CUX1: variants seen among roughly 807,000 people sequenced by gnomAD.
The protein encoded by CUX1 is protein CASP.
CUX1 carries 31 observed loss-of-function variants against 158.8 expected under a neutral mutation model. The ratio of observed to expected loss-of-function variants is 0.20; its 90% CI spans 0.15 to 0.26. The LOEUF (loss-of-function observed/expected upper bound fraction) is 0.26, where lower values mean the gene tolerates loss of function less well. Among genes scored for constraint, CUX1 ranks in the 10% least tolerant of loss-of-function variants. The probability of loss-of-function intolerance (pLI) is 1.00; values close to 1 mark genes in which losing one functional copy is unlikely to be tolerated. For synonymous variants in CUX1, 879 were observed against 862.1 expected (o/e 1.02, Z -0.34); for missense variants, 1,589 against 2,014.6 (o/e 0.79, Z 4.04).
intron 20 of CUX1, among the ~76,000 whole-genome samples, chr7:102,208,443 G>C (rs537852190): frequency 6.6e-6 from 1 of 152,352 alleles, no homozygotes; most frequent in East Asian, 1.9e-4. Flanking sequence ...GTTTCGCCCT[G>C]TTGGCCAGGT....
At chr7:102,280,182 C>T (rs936782606) in intron 19 of CUX1, 8 of 1,113,034 alleles carry the variant, frequency 7.2e-6, no homozygotes, top group Admixed American at 3.7e-5. Context: ...GCCCAGGGGT[C>T]CCCCCATCAC....
chr7:101,968,570 G>A (rs1317228937), intron 2 of CUX1, among the ~76,000 whole-genome samples: 2 of 151,988 alleles, frequency 1.3e-5, no homozygotes, highest in Non-Finnish European at 2.9e-5. Flanking sequence ...TTACAGGCGC[G>A]TACCACCGTG....
In CUX1 at chr7:101,880,958, A is replaced by G. The variant is rs116810181; in HGVS notation, c.31-35157A>G. ...AGAGCAGCTGCTCATCCCATGTCCA[A>G]TTAGAGTGAGCAGATGTGTAAGAAA... On this transcript the variant is annotated intron_variant, in intron 1 of 23. Coordinates refer to ENST00000292535, the MANE Select transcript of CUX1 (RefSeq NM_181552.4). Among the ~76,000 whole-genome samples the G allele has an allele frequency of 6.0e-3, 908 of 152,312 alleles. 7 individuals carry two copies. The highest frequency in any genetic ancestry group is 0.02 in the African/African-American group (851 of 41,578).
At chr7:102,245,981 A>T (rs1179876118) in intron 23 of CUX1, among the ~76,000 whole-genome samples, 1 of 152,122 alleles carries the variant, frequency 6.6e-6, no homozygotes, top group Non-Finnish European at 1.5e-5. Context: ...TCAAAAAAAA[A>T]AAAAAATGAA....
intron 1 of CUX1, among the ~76,000 whole-genome samples, chr7:101,903,433 G>A (rs1431182255): frequency 3.3e-5 from 5 of 152,182 alleles, no homozygotes; most frequent in Non-Finnish European, 5.9e-5. Flanking sequence ...GGAGCACTGC[G>A]TGTGCCTACA....
Position 102,255,146 on chromosome 7 carries a change from A to G in CUX1, c.*6104A>G. The G allele has an allele frequency of 1.0e-6, 1 of 985,448 alleles. No homozygotes were observed. The highest frequency in any genetic ancestry group is 1.2e-6 in the Non-Finnish European group (1 of 829,966). The allele number at this position is 985,448 out of a possible 1,614,324, so 61.0% of individuals were successfully genotyped here. A position where few individuals can be genotyped will look rare whatever the true frequency, so the allele number is the denominator to read the frequency against. ...GCTCCTCACCACCCTGGTCAGGGGA[A>G]TAGAAGGAAATGCAATTTCCGCCTG... On this transcript the variant is annotated 3_prime_UTR_variant, in exon 24 of 24. Coordinates refer to ENST00000292535, the MANE Select transcript of CUX1 (RefSeq NM_181552.4).
intron 2 of CUX1, among the ~76,000 whole-genome samples, chr7:101,969,359 C>CAAAAAAAAAAAAAAAAAAAAAAAACAG (rs10711703): frequency 5.0e-4 from 28 of 56,100 alleles, no homozygotes; most frequent in African/African-American, 6.7e-4. Flanking sequence ...CAAAAAACAG[C>CAAAAAAAAAAAAAAAAAAAAAAAACAG]AAAAAAAAAA....
rs200860447 is a variant in CUX1 at position 102,115,298 on chromosome 7, T to G, written c.674+25T>G. On this transcript the variant is annotated intron_variant, in intron 8 of 23. Coordinates refer to ENST00000292535, the MANE Select transcript of CUX1 (RefSeq NM_181552.4). ...AGTAAGTCTCTCTGCTTGGCCTCCCTTATCCGTACACATTTCTCACCTGAT... is the reference window on the plus strand; with the variant it reads ...AGTAAGTCTCTCTGCTTGGCCTCCCGTATCCGTACACATTTCTCACCTGAT... The G allele has an allele frequency of 1.9e-4, 306 of 1,600,858 alleles. 2 individuals carry two copies. The highest frequency in any genetic ancestry group is 1.2e-3 in the Middle Eastern group (7 of 6,036).
intron 6 of CUX1, among the ~76,000 whole-genome samples, chr7:102,108,895 C>G (rs534156024): frequency 7.2e-5 from 11 of 152,168 alleles, no homozygotes; most frequent in African/African-American, 2.6e-4. Flanking sequence ...GCTGGGGTTA[C>G]AGGTGCCCAA....
At chr7:102,134,479 C>T (rs1833675150) in intron 8 of CUX1, among the ~76,000 whole-genome samples, 1 of 152,216 alleles carries the variant, frequency 6.6e-6, no homozygotes, top group Admixed American at 6.5e-5. Context: ...TGCCTGTATT[C>T]TTGACAAGAC....
intron 2 of CUX1, among the ~76,000 whole-genome samples, chr7:101,975,231 AC>A (rs1812503948): frequency 1.3e-5 from 2 of 151,270 alleles, no homozygotes; most frequent in Admixed American, 1.3e-4. Flanking sequence ...AGCCTGGGCA[AC>A]AGAGCAAGAC....
At chr7:102,119,664 T>G (rs1302026218) in intron 8 of CUX1, among the ~76,000 whole-genome samples, 1 of 152,232 alleles carries the variant, frequency 6.6e-6, no homozygotes, top group Non-Finnish European at 1.5e-5. Flanking sequence ...GGTTTCCGAT[T>G]ATAACCATTT....
chr7:101,893,743 T>C (rs1201752941), intron 1 of CUX1, among the ~76,000 whole-genome samples: 1 of 152,214 alleles, frequency 6.6e-6, no homozygotes, highest in Non-Finnish European at 1.5e-5. Context: ...ATTGAAAAGA[T>C]TGTCAGCACT....
intron 7 of CUX1, 55 bp from the exon 8 acceptor site, chr7:102,115,152 T>C (rs375911613): frequency 7.0e-7 from 1 of 1,436,510 alleles, no homozygotes; most frequent in South Asian, 1.2e-5. Context: ...AGATTACCTG[T>C]GTATGCATTC....
intron 2 of CUX1, among the ~76,000 whole-genome samples, chr7:101,994,066 A>G (rs1585206055): frequency 6.6e-6 from 1 of 152,166 alleles, no homozygotes; most frequent in South Asian, 2.1e-4. Flanking sequence ...CACAGTGCCC[A>G]GTGGGCCACC....
At chr7:102,207,519 C>T (rs1221750002) in intron 20 of CUX1, among the ~76,000 whole-genome samples, 2 of 151,608 alleles carry the variant, frequency 1.3e-5, no homozygotes. Context: ...GGCACAATCT[C>T]AGCTCACTGT....
chr7:101,880,943 C>T (rs1799640209), intron 1 of CUX1, among the ~76,000 whole-genome samples: 1 of 152,196 alleles, frequency 6.6e-6, no homozygotes, highest in South Asian at 2.1e-4. Flanking sequence ...AGAGCAGCTG[C>T]TCATCCCATG....
chr7:102,091,089 T>A (rs1174477570), intron 4 of CUX1, among the ~76,000 whole-genome samples: 1 of 152,014 alleles, frequency 6.6e-6, no homozygotes, highest in Non-Finnish European at 1.5e-5. Context: ...TCTTTGCCCA[T>A]CAGTATATAG....
chr7:102,141,260 C>T (rs1554500213), intron 8 of CUX1, among the ~76,000 whole-genome samples: 5 of 152,180 alleles, frequency 3.3e-5, no homozygotes. Context: ...TATGAACGTT[C>T]TCGTGCCTCC....
Sources: allele counts gnomAD v4.1 joint callset (sites outside exome capture counted in the v4.1 genomes callset), GRCh38; gene constraint gnomAD v4.1.1; transcripts MANE v1.5; gene names NCBI Gene and HGNC (gene_info 2026-07-23, HGNC 2026-07-21).